Variants in PLSCR3 observed in about 807,000 individuals in gnomAD.
PLSCR3 encodes phospholipid scramblase 3, also known as PL scramblase 3.
Under a neutral mutation model 33.7 loss-of-function variants are expected in PLSCR3, and 17 were observed. The ratio of observed to expected loss-of-function variants is 0.50; its 90% CI spans 0.35 to 0.76. PLSCR3 has a LOEUF of 0.76. Ranked by LOEUF, PLSCR3 falls within the 30% of genes least tolerant of loss-of-function variation. The pLI, the probability that PLSCR3 is intolerant of heterozygous loss-of-function variation, is 0.01. For synonymous variants in PLSCR3, 166 were observed against 166.0 expected, an observed-to-expected ratio of 1.00 and a Z score of 0.00; for missense variants, 360 against 394.1, an observed-to-expected ratio of 0.91 and a Z score of 0.73.
At chr17:7,390,476 T>A in intron 7 of PLSCR3, 35 bp from the exon 8 acceptor site, 1 of 1,586,306 alleles carries the variant, frequency 6.3e-7, no homozygotes, top group Non-Finnish European at 8.6e-7. Context: ...GAGATCCGGC[T>A]GGGCCAGCCC....
rs1397716369 is a variant in PLSCR3, at chr17:7,394,005, ACC to A, written c.7+97_7+98del. ...TCCCCGGAAGGAAGGGAGGGGCCCC[ACC>A]CAGCCAGTCCGAGCACATTCCGGGA... On this transcript the variant is annotated intron_variant, in intron 2 of 7. Transcript: ENST00000619711. The surrounding 1 kb of genome is among the most constrained non-coding windows in gnomAD (Gnocchi z 5.3). The A allele has an allele frequency of 3.4e-6, 5 of 1,460,220 alleles. No individual in the cohort carries two copies. The highest frequency in any genetic ancestry group is 3.8e-6 in the Non-Finnish European group (4 of 1,060,872). The allele number at this position is 1,460,220 out of a possible 1,614,324, so 90.5% of individuals were successfully genotyped here.
At chr17:7,393,880 GCCTCATCCC>G in intron 2 of PLSCR3, 44 bp from the exon 3 acceptor site, 1 of 1,246,304 alleles carries the variant, frequency 8.0e-7, no homozygotes, top group South Asian at 1.3e-5. Flanking sequence ...GGGACTCAAG[GCCTCATCCC>G]CTTATTCCTC....
Position 7,392,803 on chromosome 17 carries a change from G to A in PLSCR3, c.657C>T (p.Asp219=), listed in dbSNP as rs1360403431. The A allele has an allele frequency of 6.2e-7, 1 of 1,613,924 alleles. No individual in the cohort carries two copies. The change falls in exon 6 of 8, where the codon GAC becomes GAT. Residue 219 remains aspartate, a synonymous_variant. Transcript: ENST00000619711. ...GPCWTCGCGT[D]TNFEVKTRDE... ...GTATTCCTGATACCTCAAAGTTGGT[G>A]TCTGTGCCACAGCCACAGGTCCAGC...
chr17:7,393,080 G>T (rs1180880488), intron 5 of PLSCR3, 64 bp downstream of exon 5: 1 of 1,481,812 alleles, frequency 6.7e-7, no homozygotes, highest in East Asian at 2.3e-5. Flanking sequence ...CCTCATCTCA[G>T]GTGGACCTCA....
chr17:7,393,572 G>A (rs1237654622), intron 3 of PLSCR3, 29 bp downstream of exon 3: 1 of 1,613,478 alleles, frequency 6.2e-7, no homozygotes, highest in Admixed American at 1.7e-5. Flanking sequence ...TCCCCTCCCA[G>A]TCATCCTCCC....
rs1458564491 is a variant in PLSCR3 at position 7,390,077 on chromosome 17, G to A, written c.*308C>T. The A allele has an allele frequency of 9.7e-5, 28 of 289,802 alleles. No homozygotes were observed. Among genetic ancestry groups the A allele is most frequent in the Middle Eastern group, 1.1e-3 (1 of 936 alleles). The allele number at this position is 289,802 out of a possible 1,614,324, so 18.0% of individuals were successfully genotyped here. ...AACCCCAGAGTCCTGGGTTCCAGAG[G>A]CCTCCTTTGGAGCAGAGGCCCTGGA... is the stretch of plus-strand genomic sequence containing the variant. On this transcript the variant is annotated 3_prime_UTR_variant, in exon 8 of 8. Coordinates refer to ENST00000619711, the MANE Select transcript of PLSCR3 (RefSeq NM_020360.4).
Position 7,394,206 on chromosome 17 carries a change from A to G in PLSCR3, c.-96T>C. The G allele has an allele frequency of 8.3e-7, 1 of 1,211,032 alleles. No individual in the cohort carries two copies. Among genetic ancestry groups the G allele is most frequent in the Admixed American group, 1.9e-5 (1 of 52,244 alleles). 75.0% of individuals were successfully genotyped at this position (1,211,032 alleles called of 1,614,324 possible). ...GAGATAGCCAGACAGACACAGAGACAGACACAAAGACGGAGAGGCAGCTGC... is the reference window on the plus strand; with the variant it reads ...GAGATAGCCAGACAGACACAGAGACGGACACAAAGACGGAGAGGCAGCTGC... On this transcript the variant is annotated 5_prime_UTR_variant, in exon 2 of 8. Transcript: ENST00000619711. The surrounding 1 kb of genome is among the most constrained non-coding windows in gnomAD (Gnocchi z 5.3).
At position 7,393,911 on chromosome 17, in the gene PLSCR3, C is replaced by A. The variant is rs1471096863; in HGVS notation, c.8-75G>T. The A allele has an allele frequency of 4.4e-6, 5 of 1,128,500 alleles. No individual in the cohort carries two copies. The East Asian group carries it at 1.3e-4, about 29-fold the overall frequency. The allele number at this position is 1,128,500 out of a possible 1,614,324, so 69.9% of individuals were successfully genotyped here. A position where few individuals can be genotyped will look rare whatever the true frequency, so the allele number is the denominator to read the frequency against. On this transcript the variant is annotated intron_variant, in intron 2 of 7. Transcript: ENST00000619711. ...TCCCCTTATTCCTCAGCCCATGGGC[C>A]GCGAGGCTTCGGGGGAAACGTGGTG...
Position 7,393,350 on chromosome 17 carries a change from C to T in PLSCR3, c.301G>A (p.Glu101Lys). Reference sequence around the variant, plus strand: ...CGCAGTTCATACCGATTACAGGTCTCCCAGCCTAGGAACGCTGCCCGAGGT... The same window carrying T: ...CGCAGTTCATACCGATTACAGGTCTTCCAGCCTAGGAACGCTGCCCGAGGT... Reference protein sequence around the residue: ...AERVETFLGWETCNRYELRSG... With the variant: ...AERVETFLGWKTCNRYELRSG... The change falls in exon 5 of 8, where the codon GAG (glutamate) becomes AAG (lysine). Residue 101 changes from glutamate (E) to lysine (K), a missense_variant. Physicochemically the swap from Glu to Lys is moderately conservative, Grantham distance 56. Coordinates refer to ENST00000619711, the MANE Select transcript of PLSCR3 (RefSeq NM_020360.4). 2.5e-6 allele frequency: 4 copies of T among 1,613,304 alleles called. No homozygotes were observed. Among genetic ancestry groups the T allele is most frequent in the Non-Finnish European group, 3.4e-6 (4 of 1,179,960 alleles).
In PLSCR3 at chr17:7,394,148, G is replaced by C. The variant is rs543800560; in HGVS notation, c.-38C>G. ...GGGGTTTTCGAGATGATGGTGTCTG[G>C]GTGGCTTAGTTCTGGAAGCGGAGGC... is the stretch of plus-strand genomic sequence containing the variant. On this transcript the variant is annotated 5_prime_UTR_variant, in exon 2 of 8. Coordinates refer to ENST00000619711, the MANE Select transcript of PLSCR3 (RefSeq NM_020360.4). The surrounding 1 kb of genome is among the most constrained non-coding windows in gnomAD (Gnocchi z 5.3). The C allele has an allele frequency of 3.4e-5, 55 of 1,609,564 alleles. No homozygotes were observed. In the East Asian group the frequency reaches 1.1e-3, roughly 33 times the overall value.
In PLSCR3 at chr17:7,390,648, C is replaced by G; in HGVS notation, c.817G>C (p.Ala273Pro). 6.2e-7 allele frequency: 1 copy of G among 1,614,024 alleles called. No homozygotes were observed. Among genetic ancestry groups the G allele is most frequent in the Non-Finnish European group, 8.5e-7 (1 of 1,179,890 alleles). The change falls in exon 7 of 8, where the codon GCC becomes CCC. Residue 273 changes from alanine to proline, a missense_variant. Transcript: ENST00000619711. ...AGCCAACTCACAATGAGGAATGTGGCTCCCAGCAGCACAGCCTTCACCCTC... is the reference window on the plus strand; with the variant it reads ...AGCCAACTCACAATGAGGAATGTGGGTCCCAGCAGCACAGCCTTCACCCTC... ...DVRVKAVLLG[A>P]TFLIDYMFFE...
chr17:7,392,458 C>T (rs1381030532), intron 6 of PLSCR3, among the ~76,000 whole-genome samples: 1 of 152,216 alleles, frequency 6.6e-6, no homozygotes, highest in Non-Finnish European at 1.5e-5. Context: ...TGGGCTCACA[C>T]ACTCATACAC....
At position 7,394,434 on chromosome 17, in the gene PLSCR3, A is replaced by C; in HGVS notation, c.-158+43T>G. The C allele has an allele frequency of 3.4e-6, 1 of 295,834 alleles. No individual in the cohort carries two copies. Among genetic ancestry groups the C allele is most frequent in the Non-Finnish European group, 6.4e-6 (1 of 156,890 alleles). The allele number at this position is 295,834 out of a possible 1,614,324, so 18.3% of individuals were successfully genotyped here. ...GACCCGCGGTCAGACCGACAGCCCC[A>C]CCCCAAGGGCGGTCTCCCTGACCCC... On this transcript the variant is annotated intron_variant, in intron 1 of 7. Coordinates refer to ENST00000619711, the MANE Select transcript of PLSCR3 (RefSeq NM_020360.4). The surrounding 1 kb of genome is among the most constrained non-coding windows in gnomAD (Gnocchi z 5.3).
chr17:7,393,069 G>C, intron 5 of PLSCR3, 75 bp downstream of exon 5: 2 of 1,492,380 alleles, frequency 1.3e-6, no homozygotes, highest in Admixed American at 4.4e-5. Context: ...CCTGATCCAG[G>C]CCTCATCTCA....
Position 7,394,204 on chromosome 17 carries a change from A to T in PLSCR3, c.-94T>A. 1 of 1,254,828 alleles carries T rather than the reference A, an allele frequency of 8.0e-7. No homozygotes were observed. Among genetic ancestry groups the T allele is most frequent in the African/African-American group, 1.5e-5 (1 of 68,504 alleles). 77.7% of individuals were successfully genotyped at this position (1,254,828 alleles called of 1,614,324 possible). On this transcript the variant is annotated 5_prime_UTR_variant, in exon 2 of 8. Coordinates refer to ENST00000619711, the MANE Select transcript of PLSCR3 (RefSeq NM_020360.4). This position sits in a 1 kb window ranked among gnomAD's most constrained non-coding sequence, Gnocchi z 5.3. ...CGGAGATAGCCAGACAGACACAGAG[A>T]CAGACACAAAGACGGAGAGGCAGCT... is the stretch of plus-strand genomic sequence containing the variant.
Position 7,391,059 on chromosome 17 carries a change from G to A in PLSCR3, c.670-264C>T, listed in dbSNP as rs1270063993. Among the ~76,000 whole-genome samples, 2 of 152,032 alleles carry A rather than the reference G, an allele frequency of 1.3e-5. No homozygotes were observed. The highest frequency in any genetic ancestry group is 2.9e-5 in the Non-Finnish European group (2 of 68,024). Reference sequence around the variant, plus strand: ...CTCAGATCTGCTGCTATCGAAAGGCGACGCATGACATAACTGAACATCAGT... The same window carrying A: ...CTCAGATCTGCTGCTATCGAAAGGCAACGCATGACATAACTGAACATCAGT... On this transcript the variant is annotated intron_variant, in intron 6 of 7. Transcript: ENST00000619711. This position sits in a 1 kb window ranked among gnomAD's most constrained non-coding sequence, Gnocchi z 4.1.
At chr17:7,390,889 G>A (rs1483811308) in intron 6 of PLSCR3, 94 bp from the exon 7 acceptor site, 6 of 1,293,646 alleles carry the variant, frequency 4.6e-6, no homozygotes, top group East Asian at 2.3e-5. Flanking sequence ...GTATGAATTT[G>A]CAGGGTCTCC....
chr17:7,390,412 G>A lies in PLSCR3; in HGVS notation c.861C>T (p.Gly287=), dbSNP rs370775245. The part of the protein sequence containing the change: ...IDYMFFEKRG[G]AGPSAVTS ...AACTGGTGACGGCAGAGGGCCCAGC[G>A]CCTCCTCGCTTCTCAAAGAACATGT... is the stretch of plus-strand genomic sequence containing the variant. Residue 287 remains glycine (G), a synonymous_variant, in exon 8 of 8, where the codon GGC becomes GGT. Coordinates refer to ENST00000619711, the MANE Select transcript of PLSCR3 (RefSeq NM_020360.4). The A allele has an allele frequency of 5.5e-4, 864 of 1,560,104 alleles. 10 individuals are homozygous for A. The South Asian group carries it at 6.1e-3, about 11-fold the overall frequency.
intron 5 of PLSCR3, 26 bp downstream of exon 5, chr17:7,393,118 C>T: frequency 7.6e-7 from 1 of 1,308,388 alleles, no homozygotes; most frequent in Non-Finnish European, 1.0e-6. Flanking sequence ...CAAGGCCCGC[C>T]CTCCCGGCCC....
Sources: allele counts gnomAD v4.1 joint callset (sites outside exome capture counted in the v4.1 genomes callset), GRCh38; gene constraint gnomAD v4.1.1; non-coding constraint Gnocchi (gnomAD v3.1); transcripts MANE v1.5; gene names NCBI Gene and HGNC (gene_info 2026-07-23, HGNC 2026-07-21).